Variants in CNKSR2 observed in about 807,000 individuals in gnomAD.
CNKSR2 encodes connector enhancer of kinase suppressor of Ras 2, also known as CNK homolog protein 2.
Under a neutral mutation model 84.4 loss-of-function variants are expected in CNKSR2, and 14 were observed. The ratio of observed to expected loss-of-function variants is 0.17; its 90% CI spans 0.11 to 0.26. The LOEUF (loss-of-function observed/expected upper bound fraction) is 0.26, where lower values mean the gene tolerates loss of function less well. CNKSR2 is among the 10% of genes least tolerant of loss of function. CNKSR2 has a pLI of 1.00. For missense variants in CNKSR2, 485 were observed against 771.2 expected (o/e 0.63, Z 4.40); for synonymous variants, 275 against 277.9 (o/e 0.99, Z 0.10).
rs138197824 is a variant in CNKSR2, at chrX:21,401,536, C to T, written c.65-24961C>T. Among the ~76,000 whole-genome samples, 1,046 of 111,405 alleles carry T rather than the reference C, an allele frequency of 9.4e-3. 11 individuals carry two copies. Among genetic ancestry groups the T allele is most frequent in the African/African-American group, 0.031 (963 of 30,758 alleles). On this transcript the variant is annotated intron_variant, in intron 1 of 21. Coordinates refer to ENST00000379510, the MANE Select transcript of CNKSR2 (RefSeq NM_014927.5). Reference sequence around the variant, plus strand: ...CCCCTTTCCTTTCATAATTATGTAGCCCTGGAGTGAGAGTAGGTATGTGTA... The same window carrying T: ...CCCCTTTCCTTTCATAATTATGTAGTCCTGGAGTGAGAGTAGGTATGTGTA...
Position 21,567,289 on chromosome X carries a change from A to T in CNKSR2, c.1608+3837A>T, listed in dbSNP as rs755146865. Reference sequence around the variant, plus strand: ...TGTACATGGTAGGACAGGTATGCCTATGTTCATGATGATAAGCAGGGACAA... The same window carrying T: ...TGTACATGGTAGGACAGGTATGCCTTTGTTCATGATGATAAGCAGGGACAA... On this transcript the variant is annotated intron_variant, in intron 13 of 21. Coordinates refer to ENST00000379510, the MANE Select transcript of CNKSR2 (RefSeq NM_014927.5). Among the ~76,000 whole-genome samples the T allele has an allele frequency of 1.1e-4, 12 of 112,116 alleles. No individual in the cohort carries two copies. In the East Asian group the frequency reaches 3.3e-3, roughly 31 times the overall value.
intron 11 of CNKSR2, 135 bp from the exon 12 acceptor site, chrX:21,561,336 C>T: frequency 1.9e-6 from 1 of 525,854 alleles, no homozygotes. Context: ...ACATTTTCTC[C>T]ATCTACACAA....
intron 5 of CNKSR2, among the ~76,000 whole-genome samples, chrX:21,489,571 CT>C (rs2091422014): frequency 8.9e-6 from 1 of 111,854 alleles, no homozygotes; most frequent in Non-Finnish European, 1.9e-5. Context: ...TCCTATTCTA[CT>C]TTCTTCATGA....
chrX:21,575,576 C>T (rs2092314059), intron 13 of CNKSR2, among the ~76,000 whole-genome samples: 1 of 111,373 alleles, frequency 9.0e-6, no homozygotes, highest in African/African-American at 3.3e-5. Flanking sequence ...ACTCATCTAC[C>T]AGAAGACTCT....
chrX:21,584,917 T>A (rs1352902334), intron 13 of CNKSR2, among the ~76,000 whole-genome samples: 1 of 110,879 alleles, frequency 9.0e-6, no homozygotes, highest in Non-Finnish European at 1.9e-5. Flanking sequence ...TTAAATCATA[T>A]TTTAACCAGA....
intron 20 of CNKSR2, among the ~76,000 whole-genome samples, chrX:21,619,922 A>G (rs1170571466): frequency 9.0e-6 from 1 of 111,297 alleles, no homozygotes; most frequent in Non-Finnish European, 1.9e-5. Context: ...TGGCTTTAAT[A>G]TAATACATAA....
At chrX:21,598,195 G>A (rs2092460937) in intron 17 of CNKSR2, among the ~76,000 whole-genome samples, 2 of 111,113 alleles carry the variant, frequency 1.8e-5, no homozygotes, top group African/African-American at 6.5e-5. Context: ...TCAGAAATAA[G>A]CACTGAAACA....
At chrX:21,534,227 C>T (rs2091908653) in intron 11 of CNKSR2, among the ~76,000 whole-genome samples, 1 of 110,424 alleles carries the variant, frequency 9.1e-6, no homozygotes, top group African/African-American at 3.3e-5. Flanking sequence ...AACATAATGT[C>T]TTCCAGGTTC....
chrX:21,490,312 T>C (rs2091428674), intron 5 of CNKSR2, 147 bp from the exon 6 acceptor site: 1 of 514,133 alleles, frequency 1.9e-6, no homozygotes. Flanking sequence ...TTCACCTGAA[T>C]TTCTTTGTAC....
At chrX:21,551,830 A>C (rs1285823142) in intron 11 of CNKSR2, among the ~76,000 whole-genome samples, 1 of 112,006 alleles carries the variant, frequency 8.9e-6, no homozygotes, top group African/African-American at 3.2e-5. Flanking sequence ...CAGATACTAG[A>C]AAATCAAAGT....
At chrX:21,447,074 T>A (rs2090865667) in intron 4 of CNKSR2, among the ~76,000 whole-genome samples, 1 of 111,683 alleles carries the variant, frequency 9.0e-6, no homozygotes, top group Admixed American at 9.5e-5. Context: ...CATTTGATTA[T>A]GCTTGTCTTT....
intron 7 of CNKSR2, 136 bp downstream of exon 7, chrX:21,497,982 A>G: frequency 2.6e-6 from 1 of 390,221 alleles, no homozygotes; most frequent in South Asian, 5.7e-5. Flanking sequence ...TAAAAGAGAT[A>G]CTGAGTTAGT....
At chrX:21,552,835 A>G (rs1226070413) in intron 11 of CNKSR2, among the ~76,000 whole-genome samples, 1 of 112,291 alleles carries the variant, frequency 8.9e-6, no homozygotes, top group Non-Finnish European at 1.9e-5. Context: ...TGGAAGAAAT[A>G]GATCCTTGGG....
intron 12 of CNKSR2, among the ~76,000 whole-genome samples, chrX:21,561,865 T>A (rs919412550): frequency 9.1e-6 from 1 of 110,348 alleles, no homozygotes; most frequent in Admixed American, 9.7e-5. Flanking sequence ...ATAAAATAAT[T>A]AAGTTCAGTG....
chrX:21,544,267 T>C (rs1411173136), intron 11 of CNKSR2, among the ~76,000 whole-genome samples: 1 of 111,284 alleles, frequency 9.0e-6, no homozygotes, highest in Non-Finnish European at 1.9e-5. Flanking sequence ...AGGAAGATCT[T>C]TCAAATAGTT....
chrX:21,511,253 A>G lies in CNKSR2; in HGVS notation c.811-5232A>G, dbSNP rs184962096. On this transcript the variant is annotated intron_variant, in intron 8 of 21. Transcript: ENST00000379510. ...TTTATAAGGAGAAAGTTTATTTGAA[A>G]TTTTGAGGTACAGAATGTCTATTAC... Among the ~76,000 whole-genome samples, 31 of 111,599 alleles carry G rather than the reference A, an allele frequency of 2.8e-4. 2 individuals are homozygous for G. In the East Asian group the frequency reaches 4.5e-3, roughly 16 times the overall value.
chrX:21,570,153 A>C (rs2092273004), intron 13 of CNKSR2, among the ~76,000 whole-genome samples: 1 of 112,233 alleles, frequency 8.9e-6, no homozygotes, highest in Non-Finnish European at 1.9e-5. Flanking sequence ...ACTTCTCTCA[A>C]GCTATGAAAG....
chrX:21,533,857 A>G (rs931047481), intron 11 of CNKSR2, among the ~76,000 whole-genome samples: 2 of 111,222 alleles, frequency 1.8e-5, no homozygotes, highest in African/African-American at 6.5e-5. Context: ...TTTGATACAT[A>G]TATAGAATGG....
At chrX:21,472,206 C>T (rs775110551) in intron 5 of CNKSR2, among the ~76,000 whole-genome samples, 3 of 111,810 alleles carry the variant, frequency 2.7e-5, no homozygotes, top group Admixed American at 9.5e-5. Context: ...TTCCCACCTA[C>T]ATTTTATTTT....
Sources: gnomAD v4.1 joint callset for allele counts (sites outside exome capture counted in the v4.1 genomes callset) on GRCh38, gnomAD v4.1.1 for gene constraint, MANE v1.5 for transcripts, NCBI Gene and HGNC (gene_info 2026-07-23, HGNC 2026-07-21) for gene names.